Variants in ZNF366 observed in about 807,000 individuals in gnomAD.
The protein encoded by ZNF366 is zinc finger protein 366.
Under a neutral mutation model 47.2 loss-of-function variants are expected in ZNF366, and 20 were observed. That is an observed-to-expected ratio of 0.42 (90% CI 0.30 to 0.62). The LOEUF (loss-of-function observed/expected upper bound fraction) is 0.62. Among genes scored for constraint, ZNF366 ranks in the 20% least tolerant of loss-of-function variants. ZNF366 has a pLI of 0.16. For missense variants in ZNF366, 987 were observed against 976.3 expected, an observed-to-expected ratio of 1.01 and a Z score of -0.15; for synonymous variants, 421 against 395.1, an observed-to-expected ratio of 1.07 and a Z score of -0.78.
intron 1 of ZNF366, among the ~76,000 whole-genome samples, chr5:72,474,654 A>G (rs1167909422): frequency 1.4e-5 from 2 of 141,112 alleles, no homozygotes; most frequent in African/African-American, 5.8e-5. Flanking sequence ...ACACCCATGC[A>G]CACACACACA....
chr5:72,474,434 G>A (rs1452810977), intron 1 of ZNF366, among the ~76,000 whole-genome samples: 2 of 152,198 alleles, frequency 1.3e-5, no homozygotes, highest in East Asian at 3.9e-4. Flanking sequence ...CCACTACATT[G>A]AAATAATCAC....
chr5:72,469,283 T>C (rs1743495864), intron 1 of ZNF366, among the ~76,000 whole-genome samples: 1 of 152,196 alleles, frequency 6.6e-6, no homozygotes, highest in South Asian at 2.1e-4. Context: ...TGGTGGTAAT[T>C]ACACAACTCT....
chr5:72,493,226 A>C (rs1744047946), intron 1 of ZNF366, among the ~76,000 whole-genome samples: 1 of 152,244 alleles, frequency 6.6e-6, no homozygotes, highest in Non-Finnish European at 1.5e-5. Context: ...ATTCAGCAAC[A>C]ATCACGTTTG....
chr5:72,448,882 G>C (rs1428775837), intron 3 of ZNF366, among the ~76,000 whole-genome samples: 1 of 152,160 alleles, frequency 6.6e-6, no homozygotes, highest in African/African-American at 2.4e-5. Flanking sequence ...TAAATGGCTG[G>C]TTCTGTATTC....
At position 72,460,267 on chromosome 5, in the gene ZNF366, G is replaced by A. The variant is rs1209754246; in HGVS notation, c.1230C>T (p.Asn410=). ...GGATGTCCTTGTGCTTCATCATGTG[G>A]TTCTGCAGCTGGCTCGGGTACTGGA... ...KTFQYPSQLQ[N]HMMKHKDIRP... Residue 410 remains asparagine (N), a synonymous_variant, in exon 2 of 5, where the codon AAC becomes AAT. Transcript: ENST00000318442. 1 of 1,614,084 alleles carries A rather than the reference G, an allele frequency of 6.2e-7. No homozygotes were observed. Among genetic ancestry groups the A allele is most frequent in the Non-Finnish European group, 8.5e-7 (1 of 1,180,020 alleles).
chr5:72,462,877 G>A (rs1196237962), intron 1 of ZNF366, among the ~76,000 whole-genome samples: 2 of 152,160 alleles, frequency 1.3e-5, no homozygotes, highest in Non-Finnish European at 2.9e-5. Flanking sequence ...TTCTTCATAT[G>A]GATACTGACA....
intron 2 of ZNF366, 145 bp downstream of exon 2, chr5:72,460,020 C>T (rs962355084): frequency 7.1e-6 from 8 of 1,131,448 alleles, no homozygotes; most frequent in Non-Finnish European, 9.7e-6. Context: ...CCTCAGGGCT[C>T]GGCCAAGGGA....
chr5:72,500,922 A>G (rs1456299886), intron 1 of ZNF366, among the ~76,000 whole-genome samples: 2 of 152,216 alleles, frequency 1.3e-5, no homozygotes, highest in Non-Finnish European at 2.9e-5. Context: ...TAAAGGATAC[A>G]TATTTGTTTT....
rs147768818 is a variant in ZNF366, at chr5:72,503,270, G to T, written c.-15+3981C>A. On this transcript the variant is annotated intron_variant, in intron 1 of 4. Transcript: ENST00000318442. ...CATTCCTTATTCCATAATACTAATA[G>T]CTTCTAAAATAACATTTGATATACT... Among the ~76,000 whole-genome samples, 851 of 152,218 alleles carry T rather than the reference G, an allele frequency of 5.6e-3. 7 individuals are homozygous for T. The highest frequency in any genetic ancestry group is 0.027 in the Middle Eastern group (8 of 294).
intron 1 of ZNF366, among the ~76,000 whole-genome samples, chr5:72,497,204 A>G (rs1744131908): frequency 6.6e-6 from 1 of 152,168 alleles, no homozygotes; most frequent in South Asian, 2.1e-4. Context: ...TAACTAAGAA[A>G]TCTTTGCCTA....
Position 72,460,918 on chromosome 5 carries a change from G to A in ZNF366, c.579C>T (p.Ser193=). ...TGTGCCGGCTGAAGGGGAAGGGCGAGGACGAGGGCACGAAGAAGGGGAACA... is the reference window on the plus strand; with the variant it reads ...TGTGCCGGCTGAAGGGGAAGGGCGAAGACGAGGGCACGAAGAAGGGGAACA... ...GLMFPFFVPS[S]SPFPFSRHTF... Residue 193 remains serine, a synonymous_variant, in exon 2 of 5, where the codon TCC becomes TCT. Coordinates refer to ENST00000318442, the MANE Select transcript of ZNF366 (RefSeq NM_152625.3). 6.2e-7 allele frequency: 1 copy of A among 1,612,270 alleles called. No individual in the cohort carries two copies. Among genetic ancestry groups the A allele is most frequent in the East Asian group, 2.2e-5 (1 of 44,820 alleles).
intron 1 of ZNF366, among the ~76,000 whole-genome samples, chr5:72,493,281 G>A (rs999558488): frequency 6.6e-6 from 1 of 152,188 alleles, no homozygotes; most frequent in Non-Finnish European, 1.5e-5. Context: ...GACATCATAG[G>A]CATTAACTCA....
In ZNF366 at chr5:72,456,469, C is replaced by T. The variant is rs1283302270; in HGVS notation, c.1459G>A (p.Val487Met). 8 of 1,613,830 alleles carry T rather than the reference C, an allele frequency of 5.0e-6. No individual in the cohort carries two copies. Among genetic ancestry groups the T allele is most frequent in the Non-Finnish European group, 4.2e-6 (5 of 1,179,768 alleles). Residue 487 changes from valine (V) to methionine (M), a missense_variant, in exon 3 of 5, where the codon GTG becomes ATG. Coordinates refer to ENST00000318442, the MANE Select transcript of ZNF366 (RefSeq NM_152625.3). ...TGTGCCTTGAGGGTCTGCTTCTGCA[C>T]GAAGCTCTTGTAGCAGAGGTGACAC... The part of the protein sequence containing the change: ...YQCHLCYKSF[V>M]QKQTLKAHMI...
chr5:72,501,080 G>A (rs778742639), intron 1 of ZNF366, among the ~76,000 whole-genome samples: 3 of 152,186 alleles, frequency 2.0e-5, no homozygotes, highest in Non-Finnish European at 4.4e-5. Flanking sequence ...TCTAAGATGA[G>A]GAGAATAAGG....
intron 3 of ZNF366, among the ~76,000 whole-genome samples, chr5:72,449,431 C>G (rs1212818150): frequency 6.6e-6 from 1 of 152,088 alleles, no homozygotes; most frequent in African/African-American, 2.4e-5. Context: ...ATGGGGATCT[C>G]TGGCCATGTT....
At chr5:72,448,364 G>C (rs1199747714) in intron 3 of ZNF366, among the ~76,000 whole-genome samples, 1 of 152,142 alleles carries the variant, frequency 6.6e-6, no homozygotes. Context: ...AACTGCTTTT[G>C]GAAGAGGAGC....
In ZNF366 at chr5:72,504,881, G is replaced by A. The variant is rs1361135970; in HGVS notation, c.-15+2370C>T. ...TTATGTTGACGCAATTTTACATTTGGGGACACTGAGATTTAGAGCAGTTAA... is the reference window on the plus strand; with the variant it reads ...TTATGTTGACGCAATTTTACATTTGAGGACACTGAGATTTAGAGCAGTTAA... On this transcript the variant is annotated intron_variant, in intron 1 of 4. Transcript: ENST00000318442. 3.3e-5 allele frequency among the ~76,000 whole-genome samples: 5 copies of A among 151,976 alleles called. No homozygotes were observed. In the East Asian group the frequency reaches 9.6e-4, roughly 29 times the overall value.
Position 72,478,878 on chromosome 5 carries a change from T to A in ZNF366, c.-14-17368A>T, listed in dbSNP as rs544493785. Reference sequence around the variant, plus strand: ...GCCTCTAAAAATCCCCTGAAATCAGTCCAAAGCCCAGGAACTTGGAAAAGG... The same window carrying A: ...GCCTCTAAAAATCCCCTGAAATCAGACCAAAGCCCAGGAACTTGGAAAAGG... On this transcript the variant is annotated intron_variant, in intron 1 of 4. Transcript: ENST00000318442. Among the ~76,000 whole-genome samples, 4 of 152,262 alleles carry A rather than the reference T, an allele frequency of 2.6e-5. No homozygotes were observed. The East Asian group carries it at 7.7e-4, about 29-fold the overall frequency.
Position 72,441,167 on chromosome 5 carries a change from T to G in ZNF366, c.*2589A>C, listed in dbSNP as rs1437916980. The stretch of plus-strand genomic sequence containing the variant: ...CAACATTAACTGGTCCCTCAAACAT[T>G]CCCATGAGGTTTGTTTTGGTTGGAA... On this transcript the variant is annotated 3_prime_UTR_variant, in exon 5 of 5. Transcript: ENST00000318442. 1 of 152,112 alleles carries G rather than the reference T, an allele frequency of 6.6e-6. No individual in the cohort carries two copies. Among genetic ancestry groups the G allele is most frequent in the Non-Finnish European group, 1.5e-5 (1 of 68,022 alleles). 9.4% of individuals were successfully genotyped at this position (152,112 alleles called of 1,614,324 possible).
Sources: allele counts gnomAD v4.1 joint callset (sites outside exome capture counted in the v4.1 genomes callset), GRCh38; gene constraint gnomAD v4.1.1; transcripts MANE v1.5; gene names NCBI Gene and HGNC (gene_info 2026-07-23, HGNC 2026-07-21).